Variants in AVL9 observed in about 807,000 individuals in gnomAD.
The protein encoded by AVL9 is AVL9 cell migration associated.
AVL9 carries 49 observed loss-of-function variants against 79.2 expected under a neutral mutation model. That is an observed-to-expected ratio of 0.62 (90% confidence interval 0.49 to 0.79). AVL9 has a LOEUF of 0.79. Among genes scored for constraint, AVL9 ranks in the 30% least tolerant of loss-of-function variants. The pLI is 0.00. For missense variants in AVL9, 682 were observed against 776.8 expected (o/e 0.88, Z 1.45); for synonymous variants, 299 against 280.6 (o/e 1.07, Z -0.65).
chr7:32,552,924 A>G (rs1789899116), intron 6 of AVL9, among the ~76,000 whole-genome samples: 1 of 152,178 alleles, frequency 6.6e-6, no homozygotes, highest in Non-Finnish European at 1.5e-5. Context: ...TCTTCAGGTT[A>G]GGGATTTTTG....
intron 1 of AVL9, among the ~76,000 whole-genome samples, chr7:32,502,409 A>G (rs1156309467): frequency 1.5e-4 from 22 of 149,756 alleles, no homozygotes; most frequent in African/African-American, 3.9e-4. Context: ...AAAAAAAAAA[A>G]GAAAGAAAAG....
chr7:32,524,276 G>C (rs1364026884), intron 1 of AVL9, among the ~76,000 whole-genome samples: 1 of 152,054 alleles, frequency 6.6e-6, no homozygotes, highest in Non-Finnish European at 1.5e-5. Flanking sequence ...AGCACTTTGG[G>C]AGGCCAAGGC....
chr7:32,532,414 G>A (rs953359569), intron 1 of AVL9: 2 of 152,126 alleles, frequency 1.3e-5, no homozygotes, highest in African/African-American at 4.8e-5. Context: ...ACTTCAAGGT[G>A]GTGTTTTATT....
Position 32,524,961 on chromosome 7 carries a change from C to T in AVL9, c.94-18180C>T, listed in dbSNP as rs188295075. On this transcript the variant is annotated intron_variant, in intron 1 of 15. Coordinates refer to ENST00000318709, the MANE Select transcript of AVL9 (RefSeq NM_015060.3). ...AAGTGGTTTACATAGATCTTGCTACCTGGATGTTCAAGGAGGACAATACTC... is the reference window on the plus strand; with the variant it reads ...AAGTGGTTTACATAGATCTTGCTACTTGGATGTTCAAGGAGGACAATACTC... Among the ~76,000 whole-genome samples, 22 of 152,224 alleles carry T rather than the reference C, an allele frequency of 1.4e-4. No homozygotes were observed. The East Asian group carries it at 4.1e-3, about 28-fold the overall frequency.
intron 3 of AVL9, among the ~76,000 whole-genome samples, chr7:32,546,580 T>C (rs890463064): frequency 2.0e-4 from 31 of 152,264 alleles, no homozygotes; most frequent in African/African-American, 7.2e-4. Flanking sequence ...CCTAGCACTT[T>C]GGGAGGCCAA....
intron 1 of AVL9, among the ~76,000 whole-genome samples, chr7:32,497,095 G>GT (rs1786859199): frequency 6.9e-6 from 1 of 145,414 alleles, no homozygotes; most frequent in Admixed American, 6.8e-5. Context: ...GCAAGACCCT[G>GT]TCTCAATCCC....
chr7:32,555,880 A>G (rs373622313), intron 8 of AVL9, among the ~76,000 whole-genome samples: 49 of 152,172 alleles, frequency 3.2e-4, no homozygotes, highest in Non-Finnish European at 2.9e-5. Context: ...TTAGAGATCT[A>G]TTTTCCAAAA....
intron 1 of AVL9, among the ~76,000 whole-genome samples, chr7:32,522,371 G>A (rs1788200549): frequency 6.6e-6 from 1 of 152,196 alleles, no homozygotes; most frequent in Admixed American, 6.5e-5. Flanking sequence ...TCTTGCATCA[G>A]TGTGACCTGG....
chr7:32,587,058 C>G lies in AVL9; in HGVS notation c.*3151C>G, dbSNP rs761122159. ...TGTTAAGAAACACAGCAGCAATATA[C>G]TTTGGCAGCAAACCAGAGCATATGA... On this transcript the variant is annotated 3_prime_UTR_variant, in exon 16 of 16. Coordinates refer to ENST00000318709, the MANE Select transcript of AVL9 (RefSeq NM_015060.3). 1 of 152,198 alleles carries G rather than the reference C, an allele frequency of 6.6e-6. No individual in the cohort carries two copies. The highest frequency in any genetic ancestry group is 1.5e-5 in the Non-Finnish European group (1 of 68,048). The allele number at this position is 152,198 out of a possible 1,614,324, so 9.4% of individuals were successfully genotyped here. A position where few individuals can be genotyped will look rare whatever the true frequency, so the allele number is the denominator to read the frequency against.
Position 32,584,424 on chromosome 7 carries a change from T to A in AVL9, c.*517T>A, listed in dbSNP as rs976705894. 6.5e-6 allele frequency: 1 copy of A among 154,298 alleles called. No homozygotes were observed. 9.6% of individuals were successfully genotyped at this position (154,298 alleles called of 1,614,324 possible). On this transcript the variant is annotated 3_prime_UTR_variant, in exon 16 of 16. Coordinates refer to ENST00000318709, the MANE Select transcript of AVL9 (RefSeq NM_015060.3). ...TTTTGCTTTCTACCCACAAAACATT[T>A]ATTAATTCACTTCCTCCCAGAAACA...
intron 15 of AVL9, 135 bp from the exon 16 acceptor site, chr7:32,583,657 C>T (rs774237460): frequency 1.6e-5 from 9 of 564,292 alleles, no homozygotes; most frequent in East Asian, 6.3e-5. Flanking sequence ...CCAGCCTGGG[C>T]GACAGAGTAA....
At chr7:32,575,917 C>T (rs373571439) in intron 12 of AVL9, 38 bp from the exon 13 acceptor site, 3 of 1,426,944 alleles carry the variant, frequency 2.1e-6, no homozygotes, top group African/African-American at 2.8e-5. Flanking sequence ...TGAATGGCTA[C>T]AGCCCAGCTC....
At chr7:32,571,854 T>C (rs1225415329) in intron 11 of AVL9, among the ~76,000 whole-genome samples, 2 of 151,998 alleles carry the variant, frequency 1.3e-5, no homozygotes, top group Non-Finnish European at 2.9e-5. Context: ...ATATCAAATA[T>C]TACATAATAA....
intron 1 of AVL9, among the ~76,000 whole-genome samples, chr7:32,524,925 T>C (rs1788335015): frequency 6.6e-6 from 1 of 152,196 alleles, no homozygotes; most frequent in Non-Finnish European, 1.5e-5. Flanking sequence ...AAGAGTTCCA[T>C]GGTAAAATAA....
Position 32,558,443 on chromosome 7 carries a change from A to G in AVL9, c.610-116A>G, listed in dbSNP as rs145623657. On this transcript the variant is annotated intron_variant, in intron 8 of 15. Transcript: ENST00000318709. ...AGTGCTGGGATTACAGGCATGAGCC[A>G]CTGCGCCCGGCCAGCTGTTATTCTT... 8.8e-3 allele frequency: 6,322 copies of G among 716,224 alleles called. 291 individuals are homozygous for G. The African/African-American group carries it at 0.1, about 12-fold the overall frequency. The allele number at this position is 716,224 out of a possible 1,614,324, so 44.4% of individuals were successfully genotyped here.
intron 1 of AVL9, among the ~76,000 whole-genome samples, chr7:32,510,975 A>G (rs1207682704): frequency 1.4e-5 from 2 of 140,788 alleles, no homozygotes; most frequent in African/African-American, 5.2e-5. Flanking sequence ...GGGAGTCCAC[A>G]ATCCTGGCAC....
chr7:32,579,545 ATATATTATATATTATATTATATAT>A lies in AVL9; in HGVS notation c.1689-656_1689-633del, dbSNP rs1778187627. ...TATATTATATATTATATTATATATT[ATATATTATATATTATATTATATAT>A]TATATTATATATTATATATTATATA... On this transcript the variant is annotated intron_variant, in intron 13 of 15. Coordinates refer to ENST00000318709, the MANE Select transcript of AVL9 (RefSeq NM_015060.3). Among the ~76,000 whole-genome samples the A allele has an allele frequency of 1.5e-3, 7 of 4,664 alleles. 2 individuals are homozygous for A. Among genetic ancestry groups the A allele is most frequent in the African/African-American group, 1.8e-3 (2 of 1,096 alleles). 3.1% of individuals were successfully genotyped at this position (4,664 alleles called of 152,430 possible). A position where few individuals can be genotyped will look rare whatever the true frequency, so the allele number is the denominator to read the frequency against.
chr7:32,517,486 A>C (rs1787955050), intron 1 of AVL9, among the ~76,000 whole-genome samples: 1 of 151,782 alleles, frequency 6.6e-6, no homozygotes, highest in Non-Finnish European at 1.5e-5. Flanking sequence ...TTGTAGTTTT[A>C]GTAGAGACGG....
Position 32,529,946 on chromosome 7 carries a change from A to G in AVL9, c.94-13195A>G, listed in dbSNP as rs560263148. Reference sequence around the variant, plus strand: ...TTAGTATTATGTCTGAGATTGGTCCATGTTGTTTGTATCAGTAACTGCTGT... The same window carrying G: ...TTAGTATTATGTCTGAGATTGGTCCGTGTTGTTTGTATCAGTAACTGCTGT... On this transcript the variant is annotated intron_variant, in intron 1 of 15. Coordinates refer to ENST00000318709, the MANE Select transcript of AVL9 (RefSeq NM_015060.3). Among the ~76,000 whole-genome samples, 4 of 152,188 alleles carry G rather than the reference A, an allele frequency of 2.6e-5. No individual in the cohort carries two copies. The South Asian group carries it at 6.2e-4, about 24-fold the overall frequency.
Sources: gnomAD v4.1 joint callset for allele counts (sites outside exome capture counted in the v4.1 genomes callset) on GRCh38, gnomAD v4.1.1 for gene constraint, MANE v1.5 for transcripts, NCBI Gene and HGNC (gene_info 2026-07-23, HGNC 2026-07-21) for gene names.